Variants in CEP78 observed in about 807,000 individuals in gnomAD.
The protein encoded by CEP78 is centrosomal protein of 78 kDa.
Under a neutral mutation model 81.2 loss-of-function variants are expected in CEP78, and 76 were observed. The ratio of observed to expected loss-of-function variants is 0.94; its 90% CI spans 0.78 to 1.13. The LOEUF (loss-of-function observed/expected upper bound fraction) is 1.13. CEP78 is among the 50% of genes most tolerant of loss of function. The probability of loss-of-function intolerance (pLI) is 0.00; values close to 1 mark genes in which losing one functional copy is unlikely to be tolerated. For missense variants in CEP78, 918 were observed against 846.8 expected, an observed-to-expected ratio of 1.08 and a Z score of -1.04; for synonymous variants, 293 against 301.4, an observed-to-expected ratio of 0.97 and a Z score of 0.29.
chr9:78,263,525 A>G (rs1286213312), intron 12 of CEP78, among the ~76,000 whole-genome samples: 1 of 152,162 alleles, frequency 6.6e-6, no homozygotes, highest in Admixed American at 6.5e-5. Flanking sequence ...TTTTGAAAGT[A>G]TATGCATTGG....
Position 78,251,936 on chromosome 9 carries a change from T to G in CEP78, c.1098T>G (p.Ser366Arg), listed in dbSNP as rs757804379. The G allele has an allele frequency of 6.8e-6, 11 of 1,608,298 alleles. No homozygotes were observed. The highest frequency in any genetic ancestry group is 9.4e-6 in the Non-Finnish European group (11 of 1,176,154). The change falls in exon 9 of 17, where the codon AGT (serine) becomes AGG (arginine). Residue 366 changes from serine (S) to arginine (R), a missense_variant. Coordinates refer to ENST00000643273, the MANE Select transcript of CEP78 (RefSeq NM_001330691.3). ...IGLATKKPVS[S>R]GRKHSLGKEY... ...TGGCTACAAAGAAACCTGTAAGTAG[T>G]GGCAGAAAACACTCCCTTGGTAAAG...
At chr9:78,244,411 A>G (rs993112853) in intron 5 of CEP78, among the ~76,000 whole-genome samples, 5 of 152,142 alleles carry the variant, frequency 3.3e-5, no homozygotes, top group African/African-American at 1.2e-4. Context: ...TCCAGGCATG[A>G]GCCACTGTGC....
rs771920596 is a variant in CEP78, at chr9:78,265,871, A to G, written c.1810A>G (p.Met604Val). ...QMQNIQVSIC[M>V]QSAYNEGTLM... ...ATATTCCATCTAGGTTTCTATTTGT[A>G]TGCAGTCAGCTTACAATGAAGGAAC... Residue 604 changes from methionine to valine, a missense_variant, in exon 15 of 17, where the codon ATG (methionine) becomes GTG (valine). Met to Val is a conservative substitution (Grantham distance 21). Transcript: ENST00000643273. 1.1e-4 allele frequency: 151 copies of G among 1,397,014 alleles called. No homozygotes were observed. The highest frequency in any genetic ancestry group is 1.4e-4 in the Non-Finnish European group (142 of 1,005,902). 86.5% of individuals were successfully genotyped at this position (1,397,014 alleles called of 1,614,324 possible).
intron 11 of CEP78, among the ~76,000 whole-genome samples, chr9:78,259,367 A>T (rs191619275): frequency 9.2e-5 from 14 of 152,270 alleles, no homozygotes; most frequent in Admixed American, 4.6e-4. Flanking sequence ...TGAGTAGAAG[A>T]TATGGGGGAT....
In CEP78 at chr9:78,241,609, A is replaced by G. The variant is rs1826231098; in HGVS notation, c.500-87A>G. ...TTAAGAATACAACTATAAAATAGAA[A>G]AGATATAAGAAGAGCAAATAAATCA... is the stretch of plus-strand genomic sequence containing the variant. On this transcript the variant is annotated intron_variant, in intron 3 of 16. Coordinates refer to ENST00000643273, the MANE Select transcript of CEP78 (RefSeq NM_001330691.3). 7 of 574,658 alleles carry G rather than the reference A, an allele frequency of 1.2e-5. No individual in the cohort carries two copies. In the South Asian group the frequency reaches 2.0e-4, roughly 17 times the overall value. 35.6% of individuals were successfully genotyped at this position (574,658 alleles called of 1,614,324 possible).
intron 11 of CEP78, among the ~76,000 whole-genome samples, chr9:78,262,673 T>C (rs1827327589): frequency 6.6e-6 from 1 of 152,184 alleles, no homozygotes; most frequent in Non-Finnish European, 1.5e-5. Context: ...TGGTGAGCTG[T>C]CATAAATTTA....
chr9:78,268,266 A>G (rs1827610937), intron 16 of CEP78, among the ~76,000 whole-genome samples: 1 of 152,180 alleles, frequency 6.6e-6, no homozygotes, highest in Admixed American at 6.5e-5. Flanking sequence ...AGGGAATAGC[A>G]TGAGCAGAAG....
chr9:78,264,144 T>A lies in CEP78; in HGVS notation c.1459-6T>A. The A allele has an allele frequency of 1.4e-6, 2 of 1,438,144 alleles. No homozygotes were observed. The highest frequency in any genetic ancestry group is 1.8e-6 in the Non-Finnish European group (2 of 1,090,912). The allele number at this position is 1,438,144 out of a possible 1,614,324, so 89.1% of individuals were successfully genotyped here. On this transcript the variant is annotated splice_region_variant and splice_polypyrimidine_tract_variant and intron_variant, in intron 12 of 16. Transcript: ENST00000643273. The stretch of plus-strand genomic sequence containing the variant: ...CATGTCACACATTTTCAATCTTCTT[T>A]TATAGCTGGAACATGAAAATGCCCA...
At position 78,278,178 on chromosome 9, in the gene CEP78, C is replaced by G. The variant is rs756078522; in HGVS notation, c.*7327C>G. 1 of 152,134 alleles carries G rather than the reference C, an allele frequency of 6.6e-6. No individual in the cohort carries two copies. The highest frequency in any genetic ancestry group is 1.5e-5 in the Non-Finnish European group (1 of 68,014). 9.4% of individuals were successfully genotyped at this position (152,134 alleles called of 1,614,324 possible). A position where few individuals can be genotyped will look rare whatever the true frequency, so the allele number is the denominator to read the frequency against. ...TTAAAAAAAAAGTTTTTATGTACAA[C>G]AGACAATTTTTAAAATTCCTTTTCA... On this transcript the variant is annotated 3_prime_UTR_variant, in exon 17 of 17. Transcript: ENST00000643273.
rs1389946415 is a variant in CEP78 at position 78,264,903 on chromosome 9, G to C, written c.1626-469G>C. 2.6e-5 allele frequency among the ~76,000 whole-genome samples: 4 copies of C among 152,140 alleles called. No individual in the cohort carries two copies. The South Asian group carries it at 8.3e-4, about 31-fold the overall frequency. On this transcript the variant is annotated intron_variant, in intron 13 of 16. Coordinates refer to ENST00000643273, the MANE Select transcript of CEP78 (RefSeq NM_001330691.3). Reference sequence around the variant, plus strand: ...TCAACCAAGAATGATTTTGCTGAACGAATATACTGAAAGAAAGAGTTGGAG... The same window carrying C: ...TCAACCAAGAATGATTTTGCTGAACCAATATACTGAAAGAAAGAGTTGGAG...
chr9:78,244,479 G>A (rs1563980644), intron 5 of CEP78, among the ~76,000 whole-genome samples: 1 of 152,166 alleles, frequency 6.6e-6, no homozygotes, highest in Admixed American at 6.5e-5. Flanking sequence ...TCAGTATAAT[G>A]TATTTCTTAA....
intron 16 of CEP78, among the ~76,000 whole-genome samples, chr9:78,268,145 A>T (rs929761142): frequency 6.6e-6 from 1 of 152,160 alleles, no homozygotes; most frequent in African/African-American, 2.4e-5. Context: ...TGGGGCCAAG[A>T]AAGGCCAACT....
chr9:78,253,219 G>T lies in CEP78; in HGVS notation c.1206-13G>T. On this transcript the variant is annotated splice_polypyrimidine_tract_variant and intron_variant, in intron 9 of 16. Transcript: ENST00000643273. ...ACATCAAAATATAACTTAATTTATC[G>T]ATATCTTTTTAGGGGTTTCCCATTA... The T allele has an allele frequency of 8.5e-7, 1 of 1,170,484 alleles. No homozygotes were observed. Among genetic ancestry groups the T allele is most frequent in the Non-Finnish European group, 1.3e-6 (1 of 793,876 alleles). The allele number at this position is 1,170,484 out of a possible 1,614,324, so 72.5% of individuals were successfully genotyped here.
intron 11 of CEP78, among the ~76,000 whole-genome samples, chr9:78,256,200 G>A (rs1001918783): frequency 4.6e-5 from 7 of 152,084 alleles, no homozygotes; most frequent in African/African-American, 1.7e-4. Flanking sequence ...CAGCTCAGAG[G>A]GTATCTAATC....
At chr9:78,237,606 T>C (rs995736594) in intron 1 of CEP78, among the ~76,000 whole-genome samples, 3 of 152,126 alleles carry the variant, frequency 2.0e-5, no homozygotes, top group African/African-American at 7.2e-5. Context: ...GAGTTGAGGC[T>C]GGAAACCTTG....
intron 11 of CEP78, among the ~76,000 whole-genome samples, chr9:78,261,609 A>G (rs1465336171): frequency 2.0e-5 from 3 of 152,196 alleles, no homozygotes; most frequent in Non-Finnish European, 4.4e-5. Flanking sequence ...CACTTCCTCC[A>G]CTAGAGGGAG....
At chr9:78,264,519 G>A (rs139967460) in intron 13 of CEP78, among the ~76,000 whole-genome samples, 1 of 151,782 alleles carries the variant, frequency 6.6e-6, no homozygotes, top group Non-Finnish European at 1.5e-5. Context: ...CAATATGAAA[G>A]AGTAAACTTA....
chr9:78,251,560 A>G (rs896816673), intron 8 of CEP78, among the ~76,000 whole-genome samples: 50 of 152,162 alleles, frequency 3.3e-4, no homozygotes, highest in African/African-American at 1.2e-3. Flanking sequence ...AATGAAATGT[A>G]TCACGTATAA....
intron 11 of CEP78, among the ~76,000 whole-genome samples, chr9:78,261,329 T>C (rs1827264294): frequency 6.6e-6 from 1 of 152,164 alleles, no homozygotes; most frequent in Admixed American, 6.5e-5. Flanking sequence ...TCAAGGGTTG[T>C]TGTACAGGAT....
Sources: allele counts gnomAD v4.1 joint callset (sites outside exome capture counted in the v4.1 genomes callset), GRCh38; gene constraint gnomAD v4.1.1; transcripts MANE v1.5; gene names NCBI Gene and HGNC (gene_info 2026-07-23, HGNC 2026-07-21).